Variants in SUN1 observed in about 807,000 individuals in gnomAD.
SUN1 encodes the protein SUN domain-containing protein 1.
Under a neutral mutation model 103.2 loss-of-function variants are expected in SUN1, and 61 were observed. That is an observed-to-expected ratio of 0.59 (90% CI 0.48 to 0.73). SUN1 has a LOEUF of 0.73. SUN1 is among the 30% of genes least tolerant of loss of function. SUN1 has a pLI of 0.00. For missense variants in SUN1, 1,052 were observed against 1,034.6 expected, an observed-to-expected ratio of 1.02 and a Z score of -0.23; for synonymous variants, 490 against 425.7, an observed-to-expected ratio of 1.15 and a Z score of -1.86.
chr7:827,659 T>C (rs142260906), upstream of SUN1, among the ~76,000 whole-genome samples: 1,167 of 151,510 alleles, frequency 7.7e-3, 70 homozygotes, highest in East Asian at 0.15. Context: ...TTAGTAGAGA[T>C]GGGGTTTCAC....
chr7:866,113 T>TCGGTTAGTGTTCA (rs1836301866), intron 16 of SUN1, 46 bp downstream of exon 16: 1 of 1,542,362 alleles, frequency 6.5e-7, no homozygotes, highest in African/African-American at 1.4e-5. Flanking sequence ...CAGCATGGAC[T>TCGGTTAGTGTTCA]CGGTTAGTGT....
At chr7:847,208 A>G (rs1816705848) in intron 5 of SUN1, among the ~76,000 whole-genome samples, 1 of 152,106 alleles carries the variant, frequency 6.6e-6, no homozygotes. Context: ...GCGCCAGCGG[A>G]GTTGGCGGCC....
At chr7:848,662 CA>C (rs1220403488) in intron 5 of SUN1, 1 of 1,266,988 alleles carries the variant, frequency 7.9e-7, no homozygotes, top group African/African-American at 1.6e-5. Flanking sequence ...CACACTTTCG[CA>C]GTGGAGAAAG....
At chr7:868,028 T>A (rs1052918983) in intron 16 of SUN1, among the ~76,000 whole-genome samples, 13 of 152,198 alleles carry the variant, frequency 8.5e-5, no homozygotes, top group African/African-American at 2.2e-4. Flanking sequence ...AGTTCAAGGC[T>A]CAGCTCCGTC....
intron 1 of SUN1, among the ~76,000 whole-genome samples, chr7:834,188 C>T (rs572924758): frequency 9.0e-4 from 134 of 148,882 alleles, no homozygotes; most frequent in Admixed American, 1.4e-3. Flanking sequence ...GTAGGCTGGG[C>T]TGGGAATTTA....
At chr7:849,653 A>G (rs967550625) in intron 5 of SUN1, 1 of 1,531,610 alleles carries the variant, frequency 6.5e-7, no homozygotes, top group Admixed American at 1.7e-5. Flanking sequence ...AGTTGGTCCC[A>G]CACGCTGTCA....
intron 1 of SUN1, among the ~76,000 whole-genome samples, chr7:826,586 G>A (rs889836696): frequency 1.3e-5 from 2 of 152,202 alleles, no homozygotes; most frequent in African/African-American, 4.8e-5. Flanking sequence ...CCGTGGATCA[G>A]TGATAGACTG....
chr7:846,505 G>A (rs1383592751), intron 5 of SUN1, among the ~76,000 whole-genome samples: 2 of 151,736 alleles, frequency 1.3e-5, no homozygotes, highest in Non-Finnish European at 2.9e-5. Context: ...AGCCCAGGAG[G>A]TTGAGGCTGC....
chr7:840,840 A>G (rs1808967855), intron 2 of SUN1, among the ~76,000 whole-genome samples: 2 of 148,482 alleles, frequency 1.3e-5, no homozygotes, highest in Admixed American at 6.8e-5. Context: ...GCGGGGTTTC[A>G]CCGTGTTAGC....
At chr7:826,828 G>A (rs893288633) in intron 1 of SUN1, among the ~76,000 whole-genome samples, 8 of 152,174 alleles carry the variant, frequency 5.3e-5, no homozygotes, top group Non-Finnish European at 1.0e-4. Flanking sequence ...CGGTGCCTTT[G>A]CAGGAGATCC....
intron 2 of SUN1, among the ~76,000 whole-genome samples, chr7:839,463 C>T (rs2128276772): frequency 1.3e-5 from 2 of 152,372 alleles, no homozygotes; most frequent in South Asian, 4.1e-4. Context: ...CAGCTCACTG[C>T]CTCCTCTGTC....
chr7:854,708 A>G (rs1255084779), intron 10 of SUN1, among the ~76,000 whole-genome samples: 1 of 152,098 alleles, frequency 6.6e-6, no homozygotes, highest in Non-Finnish European at 1.5e-5. Flanking sequence ...GTGCAACCTT[A>G]AAATAAATAT....
chr7:846,093 C>T (rs1815365654), intron 5 of SUN1, among the ~76,000 whole-genome samples: 2 of 151,888 alleles, frequency 1.3e-5, no homozygotes, highest in South Asian at 2.1e-4. Context: ...CTTTTTGATG[C>T]CTGTACAGTT....
chr7:824,267 T>C (rs1471497132), intron 1 of SUN1, among the ~76,000 whole-genome samples: 1 of 152,184 alleles, frequency 6.6e-6, no homozygotes, highest in Non-Finnish European at 1.5e-5. Flanking sequence ...ATTAAGGAAA[T>C]GCACATGAAA....
intron 2 of SUN1, among the ~76,000 whole-genome samples, chr7:840,359 A>G (rs1268574637): frequency 3.9e-5 from 6 of 152,246 alleles, no homozygotes; most frequent in Non-Finnish European, 7.3e-5. Flanking sequence ...ACAGCAGCCC[A>G]GTCTCCGTCT....
chr7:873,390 G>A lies in SUN1; in HGVS notation c.*59G>A. On this transcript the variant is annotated 3_prime_UTR_variant, in exon 19 of 19. Coordinates refer to ENST00000401592, the MANE Select transcript of SUN1 (RefSeq NM_001130965.3). ...TATACTGGGACAGCGTGAAACACTGGAATCCTTCATGGACGAGGGCATATA... is the reference window on the plus strand; with the variant it reads ...TATACTGGGACAGCGTGAAACACTGAAATCCTTCATGGACGAGGGCATATA... 6.9e-7 allele frequency: 1 copy of A among 1,447,638 alleles called. No individual in the cohort carries two copies. Among genetic ancestry groups the A allele is most frequent in the Non-Finnish European group, 9.7e-7 (1 of 1,030,542 alleles). 89.7% of individuals were successfully genotyped at this position (1,447,638 alleles called of 1,614,324 possible). A position where few individuals can be genotyped will look rare whatever the true frequency, so the allele number is the denominator to read the frequency against.
intron 3 of SUN1, 70 bp from the exon 4 acceptor site, chr7:843,136 G>A (rs1584580803): frequency 6.3e-7 from 1 of 1,585,254 alleles, no homozygotes; most frequent in Non-Finnish European, 8.6e-7. Flanking sequence ...TTTTTTAATG[G>A]GTTTTGTTCT....
At chr7:845,487 G>T (rs1177586355) in intron 5 of SUN1, among the ~76,000 whole-genome samples, 2 of 151,992 alleles carry the variant, frequency 1.3e-5, no homozygotes, top group Non-Finnish European at 2.9e-5. Context: ...AAAGAACATT[G>T]GAAAATCAGA....
At chr7:859,341 C>T (rs1272981239) in intron 13 of SUN1, among the ~76,000 whole-genome samples, 4 of 152,154 alleles carry the variant, frequency 2.6e-5, no homozygotes, top group African/African-American at 9.7e-5. Context: ...TCATCAACTA[C>T]GGCCTCTGGG....
Sources: allele counts gnomAD v4.1 joint callset (sites outside exome capture counted in the v4.1 genomes callset), GRCh38; gene constraint gnomAD v4.1.1; transcripts MANE v1.5; gene names NCBI Gene and HGNC (gene_info 2026-07-23, HGNC 2026-07-21).